Variants in PREX1 observed in about 807,000 individuals in gnomAD.
The protein encoded by PREX1 is phosphatidylinositol 3,4,5-trisphosphate-dependent Rac exchanger 1 protein.
Under a neutral mutation model 198.3 loss-of-function variants are expected in PREX1, and 41 were observed. That is an observed-to-expected ratio of 0.21 (90% CI 0.16 to 0.27). The LOEUF is 0.27. Among genes scored for constraint, PREX1 ranks in the 10% least tolerant of loss-of-function variants. The pLI is 1.00. For missense variants in PREX1, 1,620 were observed against 2,200.7 expected (o/e 0.74, Z 5.28); for synonymous variants, 843 against 887.2 (o/e 0.95, Z 0.89).
chr20:48,865,233 T>C, the PREX1 span, among the ~76,000 whole-genome samples: 3 of 152,190 alleles, frequency 2.0e-5, no homozygotes, highest in African/African-American at 7.2e-5. Context: ...GAACACAGCC[T>C]TTGGCCAGCA....
In PREX1 at chr20:48,646,057, C is replaced by G; in HGVS notation, c.3306G>C (p.Arg1102Ser). Residue 1102 changes from arginine (R) to serine (S), a missense_variant and splice_region_variant, in exon 26 of 40, where the codon AGG becomes AGC. This residue lies in a region of PREX1 where 514 missense variants were observed against 611.6 expected (regional missense o/e 0.84). Coordinates refer to ENST00000371941, the MANE Select transcript of PREX1 (RefSeq NM_020820.4). ...EMKQYVTQIN[R>S]LLSTITEPTS... ...TGGGCTCTGTGATGGTGGACAGCAG[C>G]CTACGGAAGCAAAGACCTTGAAGTC... 1 of 1,613,086 alleles carries G rather than the reference C, an allele frequency of 6.2e-7. No homozygotes were observed. The highest frequency in any genetic ancestry group is 8.5e-7 in the Non-Finnish European group (1 of 1,179,960).
the PREX1 span, among the ~76,000 whole-genome samples, chr20:48,836,902 CAAAAAAAAAAAA>C: frequency 8.9e-5 from 5 of 56,072 alleles, no homozygotes; most frequent in East Asian, 1.8e-3. Context: ...ACTCTGTCTC[CAAAAAAAAAAAA>C]AAAAAAAAAA....
chr20:48,739,020 G>A (rs1439947252), intron 3 of PREX1, among the ~76,000 whole-genome samples: 1 of 152,156 alleles, frequency 6.6e-6, no homozygotes, highest in Admixed American at 6.5e-5. Context: ...CACTACTCCC[G>A]TGCTTAAAAC....
In PREX1 at chr20:48,734,423, G is replaced by A. The variant is rs2090047977; in HGVS notation, c.519+123C>T. 1.2e-5 allele frequency: 10 copies of A among 857,180 alleles called. No individual in the cohort carries two copies. The South Asian group carries it at 1.2e-4, about 10-fold the overall frequency. 53.1% of individuals were successfully genotyped at this position (857,180 alleles called of 1,614,324 possible). On this transcript the variant is annotated intron_variant, in intron 4 of 39. Transcript: ENST00000371941. ...GGCTTGGCGATCCCTGCTTTAGGCA[G>A]GAGATTACCCCAGCCAAGGAAAGGA...
At chr20:48,753,809 C>T (rs1025897200) in intron 1 of PREX1, among the ~76,000 whole-genome samples, 26 of 152,288 alleles carry the variant, frequency 1.7e-4, no homozygotes, top group African/African-American at 6.0e-4. Context: ...GAGGTCCCTC[C>T]TCTCACAGGC....
chr20:48,670,951 A>T (rs1287767565), intron 14 of PREX1, among the ~76,000 whole-genome samples: 1 of 152,258 alleles, frequency 6.6e-6, no homozygotes, highest in African/African-American at 2.4e-5. Context: ...TCTGAGGATT[A>T]AATAAGATAA....
intron 18 of PREX1, among the ~76,000 whole-genome samples, 159 bp downstream of exon 18, chr20:48,656,881 T>C (rs914341840): frequency 2.0e-5 from 3 of 152,176 alleles, no homozygotes; most frequent in Non-Finnish European, 2.9e-5. Context: ...TGGCACTCTG[T>C]AAACATCTGC....
chr20:48,770,905 C>T (rs144037316), intron 1 of PREX1, among the ~76,000 whole-genome samples: 4 of 152,268 alleles, frequency 2.6e-5, no homozygotes, highest in African/African-American at 4.8e-5. Flanking sequence ...GAGGCTCCAA[C>T]GCAGTGGGAG....
chr20:48,726,536 C>G (rs2090011186), intron 4 of PREX1, 145 bp from the exon 5 acceptor site: 2 of 627,916 alleles, frequency 3.2e-6, no homozygotes, highest in Non-Finnish European at 5.7e-6. Context: ...AAACGTGCAT[C>G]ATCTACAACC....
At chr20:48,795,083 G>C (rs1246299331) in intron 1 of PREX1, among the ~76,000 whole-genome samples, 1 of 152,146 alleles carries the variant, frequency 6.6e-6, no homozygotes, top group Admixed American at 6.5e-5. Context: ...GATGTGTCAT[G>C]TATGTATTTG....
chr20:48,868,387 G>A, the PREX1 span, among the ~76,000 whole-genome samples: 16 of 151,864 alleles, frequency 1.1e-4, no homozygotes, highest in African/African-American at 2.9e-4. Context: ...GCATGATCTC[G>A]GCTCACTGCA....
rs553067478 is a variant in PREX1, at chr20:48,634,591, G to T, written c.4267+85C>A. ...CCTTGGGCAGCTGGCCCAGAGGCAGGGGAAGGACAGGGTGACCCCAGAGAG... is the reference window on the plus strand; with the variant it reads ...CCTTGGGCAGCTGGCCCAGAGGCAGTGGAAGGACAGGGTGACCCCAGAGAG... On this transcript the variant is annotated intron_variant, in intron 33 of 39. Coordinates refer to ENST00000371941, the MANE Select transcript of PREX1 (RefSeq NM_020820.4). The T allele has an allele frequency of 3.6e-6, 5 of 1,389,746 alleles. No individual in the cohort carries two copies. The East Asian group carries it at 1.2e-4, about 33-fold the overall frequency. The allele number at this position is 1,389,746 out of a possible 1,614,324, so 86.1% of individuals were successfully genotyped here.
chr20:48,787,446 C>T (rs756448006), intron 1 of PREX1, among the ~76,000 whole-genome samples: 1 of 151,850 alleles, frequency 6.6e-6, no homozygotes, highest in Non-Finnish European at 1.5e-5. Context: ...GAAGGAACAG[C>T]GAATGCCCGC....
At position 48,745,155 on chromosome 20, in the gene PREX1, G is replaced by T; in HGVS notation, c.292-8C>A. 6.2e-7 allele frequency: 1 copy of T among 1,612,736 alleles called. No homozygotes were observed. Among genetic ancestry groups the T allele is most frequent in the Non-Finnish European group, 8.5e-7 (1 of 1,178,914 alleles). ...GATGTTCGAGAACAGGACCTGTGAGGAAAAGAGAGGCCAGAGGACAGCGTT... is the reference window on the plus strand; with the variant it reads ...GATGTTCGAGAACAGGACCTGTGAGTAAAAGAGAGGCCAGAGGACAGCGTT... On this transcript the variant is annotated splice_region_variant and splice_polypyrimidine_tract_variant and intron_variant, in intron 2 of 39. Transcript: ENST00000371941.
At chr20:48,789,386 A>T (rs1448338942) in intron 1 of PREX1, among the ~76,000 whole-genome samples, 1 of 152,240 alleles carries the variant, frequency 6.6e-6, no homozygotes, top group East Asian at 1.9e-4. Flanking sequence ...CAACATCATC[A>T]ACAGTCAGGG....
At chr20:48,807,088 C>T (rs1487998884) in intron 1 of PREX1, among the ~76,000 whole-genome samples, 3 of 152,120 alleles carry the variant, frequency 2.0e-5, no homozygotes, top group Admixed American at 6.5e-5. Flanking sequence ...AGGGAACTGT[C>T]TTTTTTAAAT....
rs1185513414 is a variant in PREX1, at chr20:48,827,735, C to A, written c.126G>T (p.Glu42Asp). 7.6e-7 allele frequency: 1 copy of A among 1,324,454 alleles called. No homozygotes were observed. 82.0% of individuals were successfully genotyped at this position (1,324,454 alleles called of 1,614,324 possible). Residue 42 changes from glutamate to aspartate, a missense_variant, in exon 1 of 40, where the codon GAG (glutamate) becomes GAT (aspartate). Glu to Asp is a conservative substitution (Grantham distance 45). Around this residue, in one of 7 missense-constraint regions of PREX1, gnomAD observed 96 missense variants for 98.7 expected, o/e 0.97. Transcript: ENST00000371941. This position sits in a 1 kb window ranked among gnomAD's most constrained non-coding sequence, Gnocchi z 4.1. Reference protein sequence around the residue: ...SGPGPCAAARESERQLRLRLC... With the variant: ...SGPGPCAAARDSERQLRLRLC... ...GGCGGAGGCGCAGCTGGCGCTCGGA[C>A]TCCCGGGCGGCCGCGCACGGGCCGG...
chr20:48,659,202 G>A (rs549902447), intron 16 of PREX1, among the ~76,000 whole-genome samples: 2 of 109,256 alleles, frequency 1.8e-5, no homozygotes, highest in Admixed American at 2.1e-4. Flanking sequence ...GAGGGGAGGG[G>A]AGGGAAGAAA....
rs1457156372 is a variant in PREX1, at chr20:48,629,545, G to C, written c.4670C>G (p.Ala1557Gly). 6 of 1,614,010 alleles carry C rather than the reference G, an allele frequency of 3.7e-6. No individual in the cohort carries two copies. Among genetic ancestry groups the C allele is most frequent in the South Asian group, 1.1e-5 (1 of 91,088 alleles). Residue 1557 changes from alanine to glycine, a missense_variant, in exon 37 of 40, where the codon GCT becomes GGT. Ala to Gly is a moderately conservative substitution (Grantham distance 60). Around this residue, in one of 7 missense-constraint regions of PREX1, gnomAD observed 476 missense variants for 603.4 expected, o/e 0.79. Transcript: ENST00000371941. Reference sequence around the variant, plus strand: ...GATGAGGCCGGCGCCCACACTCCCAGCAGCACCAGGCTTTGGGTGGACAAA... The same window carrying C: ...GATGAGGCCGGCGCCCACACTCCCACCAGCACCAGGCTTTGGGTGGACAAA... ...KSFVHPKPGA[A>G]GSVGAGLIPI...
Sources: gnomAD v4.1 joint callset for allele counts (sites outside exome capture counted in the v4.1 genomes callset) on GRCh38, gnomAD v4.1.1 for gene constraint, gnomAD v4.1.1 regional missense constraint, Gnocchi (gnomAD v3.1) non-coding constraint, MANE v1.5 for transcripts, NCBI Gene and HGNC (gene_info 2026-07-23, HGNC 2026-07-21) for gene names.